Variants in KDM5B observed in about 807,000 individuals in gnomAD.
KDM5B encodes the protein lysine-specific demethylase 5B.
In KDM5B, 144 loss-of-function variants were observed where a neutral mutation model predicts 193.4. That is an observed-to-expected ratio of 0.74 (90% CI 0.65 to 0.86). The LOEUF (loss-of-function observed/expected upper bound fraction) is 0.86, where lower values mean the gene tolerates loss of function less well. Among genes scored for constraint, KDM5B ranks in the 40% least tolerant of loss-of-function variants. KDM5B has a pLI of 0.00. For synonymous variants in KDM5B, 668 were observed against 682.6 expected (o/e 0.98, Z 0.33); for missense variants, 1,833 against 1,886.9 (o/e 0.97, Z 0.53).
intron 22 of KDM5B, 95 bp from the exon 23 acceptor site, chr1:202,733,981 G>C: frequency 7.1e-7 from 1 of 1,416,704 alleles, no homozygotes; most frequent in East Asian, 2.3e-5. Flanking sequence ...GGGATCCTGA[G>C]TAGATCATCT....
chr1:202,769,164 G>A (rs1656604223), intron 4 of KDM5B, among the ~76,000 whole-genome samples: 1 of 150,170 alleles, frequency 6.7e-6, no homozygotes, highest in African/African-American at 2.4e-5. Flanking sequence ...AGCCTCCCAA[G>A]TAGCTGGGAC....
chr1:202,730,864 C>G, intron 25 of KDM5B, 45 bp downstream of exon 25: 1 of 1,533,460 alleles, frequency 6.5e-7, no homozygotes, highest in South Asian at 1.3e-5. Context: ...AAGCATACCC[C>G]CACCCCAGAC....
intron 1 of KDM5B, among the ~76,000 whole-genome samples, chr1:202,778,528 T>G (rs2102307058): frequency 6.6e-6 from 1 of 152,302 alleles, no homozygotes; most frequent in African/African-American, 2.4e-5. Context: ...AGGCAAAAAT[T>G]TAATGTTATG....
intron 1 of KDM5B, among the ~76,000 whole-genome samples, chr1:202,807,757 G>A (rs978573461): frequency 2.7e-5 from 4 of 148,250 alleles, no homozygotes; most frequent in Admixed American, 6.8e-5. Context: ...GCCTCCGCCA[G>A]GCTCCGTGAG....
chr1:202,800,541 T>G (rs1411765475), intron 1 of KDM5B, among the ~76,000 whole-genome samples: 1 of 151,968 alleles, frequency 6.6e-6, no homozygotes. Flanking sequence ...GGTCTCACTA[T>G]GTTTCCCAGG....
intron 1 of KDM5B, among the ~76,000 whole-genome samples, chr1:202,792,635 C>T (rs1657685609): frequency 6.6e-6 from 1 of 152,110 alleles, no homozygotes; most frequent in East Asian, 1.9e-4. Flanking sequence ...ATACATGCAG[C>T]TTACTATTGT....
rs541606641 is a variant in KDM5B, at chr1:202,764,549, C to T, written c.712-404G>A. On this transcript the variant is annotated intron_variant, in intron 5 of 26. Transcript: ENST00000367265. ...ACTTGGGAGGCTGAGGCAGGAGAAT[C>T]GCTTGAACCTGGGAGATGGAGGCTG... Among the ~76,000 whole-genome samples the T allele has an allele frequency of 6.6e-5, 10 of 152,010 alleles. No homozygotes were observed. In the South Asian group the frequency reaches 1.2e-3, roughly 19 times the overall value.
Position 202,762,775 on chromosome 1 carries a change from G to A in KDM5B, c.842C>T (p.Pro281Leu). ...TACAATATAATCTTTCCTCTCAATA[G>A]GTTCTTGCTTGATGCTACTCTTCAT... is the stretch of plus-strand genomic sequence containing the variant. The part of the protein sequence containing the change: ...KEMKSSIKQE[P>L]IERKDYIVEN... The change falls in exon 7 of 27, where the codon CCT becomes CTT. Residue 281 changes from proline to leucine, a missense_variant. By Grantham distance (98) the Pro-to-Leu change is moderately conservative (BLOSUM62 -3). Transcript: ENST00000367265. 1.2e-6 allele frequency: 2 copies of A among 1,610,740 alleles called. No individual in the cohort carries two copies. Among genetic ancestry groups the A allele is most frequent in the South Asian group, 2.2e-5 (2 of 90,994 alleles).
intron 1 of KDM5B, among the ~76,000 whole-genome samples, chr1:202,803,561 C>T (rs191587483): frequency 1.1e-3 from 162 of 151,420 alleles, no homozygotes; most frequent in Middle Eastern, 6.9e-3. Context: ...CGGTGGCTCA[C>T]GTCTGTAATC....
chr1:202,753,585 G>T (rs1446639740), intron 11 of KDM5B, among the ~76,000 whole-genome samples: 1 of 151,538 alleles, frequency 6.6e-6, no homozygotes, highest in African/African-American at 2.4e-5. Context: ...CTGAACATCT[G>T]AAGTCCCTCT....
intron 1 of KDM5B, among the ~76,000 whole-genome samples, chr1:202,790,021 G>A (rs1332256408): frequency 6.6e-6 from 1 of 151,462 alleles, no homozygotes; most frequent in African/African-American, 2.4e-5. Context: ...TCTGGAGTTC[G>A]AGACCAGCGA....
At chr1:202,765,333 T>C (rs1044248419) in intron 5 of KDM5B, among the ~76,000 whole-genome samples, 1 of 152,266 alleles carries the variant, frequency 6.6e-6, no homozygotes, top group African/African-American at 2.4e-5. Context: ...AAAGTGCTGA[T>C]ACTTATTGGT....
At chr1:202,739,810 G>A (rs1655237026) in intron 20 of KDM5B, among the ~76,000 whole-genome samples, 1 of 152,228 alleles carries the variant, frequency 6.6e-6, no homozygotes, top group African/African-American at 2.4e-5. Context: ...CCGATCAACA[G>A]GATCCCAAGG....
Position 202,729,748 on chromosome 1 carries a change from T to A in KDM5B, c.4456A>T (p.Ile1486Phe), listed in dbSNP as rs140926329. ...TGCAGGCAGCTCACAGCTGGGCAGA[T>A]GGCATCTTCATCCTCAGAGTCTTCC... ...EQEDSEDEDA[I>F]CPAVSCLQPE... is the part of the protein sequence containing the mutation. The change falls in exon 26 of 27, where the codon ATC (isoleucine) becomes TTC (phenylalanine). Residue 1486 changes from isoleucine to phenylalanine, a missense_variant. By Grantham distance (21) the Ile-to-Phe change is conservative. Coordinates refer to ENST00000367265, the MANE Select transcript of KDM5B (RefSeq NM_006618.5). The A allele has an allele frequency of 1.2e-6, 2 of 1,614,014 alleles. No homozygotes were observed. Among genetic ancestry groups the A allele is most frequent in the Non-Finnish European group, 1.7e-6 (2 of 1,179,984 alleles).
intron 25 of KDM5B, among the ~76,000 whole-genome samples, chr1:202,730,635 T>C (rs1654848990): frequency 6.6e-6 from 1 of 152,210 alleles, no homozygotes; most frequent in East Asian, 1.9e-4. Flanking sequence ...GGCTTCCTAG[T>C]AGATTTCTAT....
Position 202,808,394 on chromosome 1 carries a change from C to G in KDM5B, c.-89G>C, listed in dbSNP as rs1015459201. The stretch of plus-strand genomic sequence containing the variant: ...CGGTCCGAGACCCGTGCAGACGCGG[C>G]TCGAGCAACAGCAAGTCCGAGTTGT... On this transcript the variant is annotated 5_prime_UTR_variant, in exon 1 of 27. Transcript: ENST00000367265. 1.5e-5 allele frequency: 18 copies of G among 1,240,294 alleles called. No individual in the cohort carries two copies. In the Middle Eastern group the frequency reaches 8.4e-4, roughly 58 times the overall value. The allele number at this position is 1,240,294 out of a possible 1,614,324, so 76.8% of individuals were successfully genotyped here.
chr1:202,747,120 T>C (rs1655590400), intron 14 of KDM5B, among the ~76,000 whole-genome samples: 1 of 152,198 alleles, frequency 6.6e-6, no homozygotes, highest in Admixed American at 6.5e-5. Context: ...CTTTCTTTTA[T>C]TCTGTTATCC....
chr1:202,807,994 G>A, intron 1 of KDM5B, 108 bp downstream of exon 1: 2 of 1,155,528 alleles, frequency 1.7e-6, no homozygotes, highest in Non-Finnish European at 2.4e-6. Context: ...GACGAGGCCG[G>A]CGGGGCGACC....
intron 15 of KDM5B, 79 bp from the exon 16 acceptor site, chr1:202,746,061 G>C: frequency 6.3e-7 from 1 of 1,585,318 alleles, no homozygotes; most frequent in East Asian, 2.2e-5. Flanking sequence ...TAACATTTCA[G>C]CCCTAGAACT....
Sources: gnomAD v4.1 joint callset for allele counts (sites outside exome capture counted in the v4.1 genomes callset) on GRCh38, gnomAD v4.1.1 for gene constraint, MANE v1.5 for transcripts, NCBI Gene and HGNC (gene_info 2026-07-23, HGNC 2026-07-21) for gene names.